The following FAAP100 variants were observed in gnomAD, a reference collection of about 807,000 sequenced individuals.
FAAP100 encodes Fanconi anemia core complex-associated protein 100.
FAAP100 carries 46 observed loss-of-function variants against 65.8 expected under a neutral mutation model. The ratio of observed to expected loss-of-function variants is 0.70; its 90% CI spans 0.55 to 0.89. The LOEUF (loss-of-function observed/expected upper bound fraction) is 0.89. Among genes scored for constraint, FAAP100 ranks in the 40% least tolerant of loss-of-function variants. FAAP100 has a pLI of 0.00. For synonymous variants in FAAP100, 663 were observed against 555.1 expected (o/e 1.19, Z -2.73); for missense variants, 1,165 against 1,196.7 (o/e 0.97, Z 0.39).
Position 81,544,079 on chromosome 17 carries a change from G to A in FAAP100, c.2352C>T (p.Ala784=), listed in dbSNP as rs142183217. ...TDLCPAGPIQ[A]VEIQVESSSL... is the part of the protein sequence containing the mutation. ...AGGAGCTTTCCACTTGAATCTCCAC[G>A]GCCTGGATGGGCCCTGCTGGGCACA... The change falls in exon 7 of 9, where the codon GCC becomes GCT. Residue 784 remains alanine (A), a synonymous_variant. Coordinates refer to ENST00000327787, the MANE Select transcript of FAAP100 (RefSeq NM_025161.6). 280 of 1,612,614 alleles carry A rather than the reference G, an allele frequency of 1.7e-4. No individual in the cohort carries two copies. The highest frequency in any genetic ancestry group is 2.4e-4 in the African/African-American group (18 of 75,048).
chr17:81,540,098 CT>C lies in FAAP100; in HGVS notation c.*720del, dbSNP rs2033025017. The C allele has an allele frequency of 2.5e-6, 1 of 398,546 alleles. No homozygotes were observed. The highest frequency in any genetic ancestry group is 4.4e-6 in the Non-Finnish European group (1 of 225,902). 24.7% of individuals were successfully genotyped at this position (398,546 alleles called of 1,614,324 possible). A position where few individuals can be genotyped will look rare whatever the true frequency, so the allele number is the denominator to read the frequency against. ...CCCCCCCCCGGGCCACAGCGCCACCCTGAGTGGCCCTGAAAATAGTGCACAG... is the reference window on the plus strand; with the variant it reads ...CCCCCCCCCGGGCCACAGCGCCACCCGAGTGGCCCTGAAAATAGTGCACAG... On this transcript the variant is annotated 3_prime_UTR_variant, in exon 9 of 9. Transcript: ENST00000327787.
chr17:81,549,385 C>A lies in FAAP100; in HGVS notation c.1247-23G>T, dbSNP rs751992428. 96 of 1,589,376 alleles carry A rather than the reference C, an allele frequency of 6.0e-5. 1 individual carries two copies. The highest frequency in any genetic ancestry group is 4.9e-4 in the South Asian group (44 of 90,492). On this transcript the variant is annotated intron_variant, in intron 3 of 8. Transcript: ENST00000327787. ...CACCTGGTGACAGACACACATGGGGCCTGGTCAGCGGCTGGGAGGGGCAAG... is the reference window on the plus strand; with the variant it reads ...CACCTGGTGACAGACACACATGGGGACTGGTCAGCGGCTGGGAGGGGCAAG...
chr17:81,541,243 G>A, intron 8 of FAAP100, 66 bp downstream of exon 8: 1 of 1,484,690 alleles, frequency 6.7e-7, no homozygotes, highest in African/African-American at 1.4e-5. Context: ...GACTAGAGGG[G>A]GGCCTGGCGA....
intron 8 of FAAP100, 26 bp from the exon 9 acceptor site, chr17:81,540,976 G>T (rs1003437053): frequency 9.0e-6 from 14 of 1,552,460 alleles, no homozygotes; most frequent in Non-Finnish European, 1.2e-5. Context: ...ACACAGCTCA[G>T]GCCCCCCACC....
At chr17:81,546,034 G>C in intron 5 of FAAP100, 152 bp from the exon 6 acceptor site, 1 of 1,075,296 alleles carries the variant, frequency 9.3e-7, no homozygotes. Context: ...CCTAAGCTGC[G>C]GCGTGGCCAG....
rs756358025 is a variant in FAAP100, at chr17:81,550,686, C to T, written c.808G>A (p.Ala270Thr). 1.2e-6 allele frequency: 2 copies of T among 1,613,040 alleles called. No homozygotes were observed. Among genetic ancestry groups the T allele is most frequent in the African/African-American group, 1.3e-5 (1 of 75,056 alleles). ...AGGTGATGGAGGATCTTGACAAGGGCATTTGGGTCACCAGGGGCTGACCTG... is the reference window on the plus strand; with the variant it reads ...AGGTGATGGAGGATCTTGACAAGGGTATTTGGGTCACCAGGGGCTGACCTG... ...TSRSAPGDPN[A>T]LVKILHHLEE... The change falls in exon 3 of 9, where the codon GCC becomes ACC. Residue 270 changes from alanine (A) to threonine (T), a missense_variant. By Grantham distance (58) the Ala-to-Thr change is moderately conservative. Transcript: ENST00000327787.
upstream of FAAP100, chr17:81,552,446 G>T: frequency 9.7e-7 from 1 of 1,031,934 alleles, no homozygotes; most frequent in East Asian, 3.3e-5. Flanking sequence ...GCGGTCGGCG[G>T]TGCCGGGGGC....
At position 81,552,189 on chromosome 17, in the gene FAAP100, CG is replaced by C; in HGVS notation, c.141del (p.Tyr47Ter). 1 of 1,498,776 alleles carries C rather than the reference CG, an allele frequency of 6.7e-7. No homozygotes were observed. Among genetic ancestry groups the C allele is most frequent in the East Asian group, 2.8e-5 (1 of 35,176 alleles). 92.8% of individuals were successfully genotyped at this position (1,498,776 alleles called of 1,614,324 possible). On this transcript the variant is annotated frameshift_variant, in exon 1 of 9. Transcript: ENST00000327787. LOFTEE classifies it high-confidence loss of function. The stretch of plus-strand genomic sequence containing the variant: ...ACGGTCAGCAGCCCGCCCTCCTGGT[CG>C]TACACGTAGACGAGCTCGCTCCCGG... ...LSTGSELVYV[Y>X]DQEGGLLTAA...
intron 2 of FAAP100, 170 bp downstream of exon 2, chr17:81,551,758 G>A (rs1408912975): frequency 2.1e-5 from 29 of 1,366,644 alleles, no homozygotes; most frequent in Non-Finnish European, 2.7e-5. Context: ...GACACTTGCA[G>A]AAAGAGTGCT....
intron 6 of FAAP100, among the ~76,000 whole-genome samples, chr17:81,544,665 G>A (rs1031526715): frequency 6.6e-6 from 1 of 152,350 alleles, no homozygotes; most frequent in Admixed American, 6.5e-5. Flanking sequence ...AACAGGCCAA[G>A]AGCCAGGAAG....
intron 3 of FAAP100, 83 bp downstream of exon 3, chr17:81,550,165 G>A: frequency 7.6e-7 from 1 of 1,307,922 alleles, no homozygotes; most frequent in Non-Finnish European, 1.1e-6. Context: ...CCCAGGAAAG[G>A]AAGGCGGCCT....
chr17:81,543,352 G>GTA (rs1192999646), intron 7 of FAAP100, among the ~76,000 whole-genome samples: 1 of 152,208 alleles, frequency 6.6e-6, no homozygotes, highest in Non-Finnish European at 1.5e-5. Flanking sequence ...CGGTTTCTAG[G>GTA]GTCGCTGCAG....
chr17:81,544,103 C>A lies in FAAP100; in HGVS notation c.2328G>T (p.Leu776=), dbSNP rs146362478. 8.1e-6 allele frequency: 13 copies of A among 1,612,198 alleles called. No homozygotes were observed. The highest frequency in any genetic ancestry group is 1.1e-5 in the Non-Finnish European group (13 of 1,179,586). ...CGGCCTGGATGGGCCCTGCTGGGCACAGGTCAGTCATGGCCACCTGCAACA... is the reference window on the plus strand; with the variant it reads ...CGGCCTGGATGGGCCCTGCTGGGCAAAGGTCAGTCATGGCCACCTGCAACA... ...LIVREVAMTD[L]CPAGPIQAVE... Residue 776 remains leucine (L), a synonymous_variant, in exon 7 of 9, where the codon CTG becomes CTT. Transcript: ENST00000327787.
chr17:81,543,700 G>C (rs183304950), intron 7 of FAAP100, among the ~76,000 whole-genome samples: 8 of 152,132 alleles, frequency 5.3e-5, no homozygotes. Flanking sequence ...GGCTGACCTC[G>C]CAGGTCACAA....
Position 81,544,136 on chromosome 17 carries a change from C to A in FAAP100, c.2311-16G>T. 1 of 1,586,008 alleles carries A rather than the reference C, an allele frequency of 6.3e-7. No homozygotes were observed. Among genetic ancestry groups the A allele is most frequent in the Non-Finnish European group, 8.7e-7 (1 of 1,155,848 alleles). ...TCATGGCCACCTGCAACACAGGAGC[C>A]ACCTCACTGCCTGCCTGTGGCACTC... On this transcript the variant is annotated splice_polypyrimidine_tract_variant and intron_variant, in intron 6 of 8. Transcript: ENST00000327787.
At chr17:81,540,987 T>C (rs1005375251) in intron 8 of FAAP100, 37 bp from the exon 9 acceptor site, 10 of 1,537,338 alleles carry the variant, frequency 6.5e-6, no homozygotes, top group Non-Finnish European at 8.7e-6. Context: ...GCCCCCCACC[T>C]GGCCCTGGGG....
In FAAP100 at chr17:81,547,255, C is replaced by A; in HGVS notation, c.1827G>T (p.Val609=). 1 of 1,596,318 alleles carries A rather than the reference C, an allele frequency of 6.3e-7. No individual in the cohort carries two copies. ...SCTLFYSLRE[V]VGGALAPSDS... The stretch of plus-strand genomic sequence containing the variant: ...CTGAGGGGGCAAGGGCCCCGCCCAC[C>A]ACCTCCCTGAGACTGTAGAACAGCG... The change falls in exon 5 of 9, where the codon GTG becomes GTT. Residue 609 remains valine (V), a synonymous_variant. Transcript: ENST00000327787.
chr17:81,545,656 C>T (rs2033272305), intron 6 of FAAP100, 90 bp downstream of exon 6: 1 of 1,472,396 alleles, frequency 6.8e-7, no homozygotes, highest in African/African-American at 1.4e-5. Context: ...GGCCCCCACC[C>T]AGGGTGAGGG....
intron 7 of FAAP100, among the ~76,000 whole-genome samples, chr17:81,542,166 C>CAAAAAAAA (rs1157407171): frequency 7.8e-5 from 5 of 63,724 alleles, no homozygotes; most frequent in Non-Finnish European, 1.2e-4. Flanking sequence ...GACTCCGTCT[C>CAAAAAAAA]AAAAAAAAAA....
Sources: allele counts gnomAD v4.1 joint callset (sites outside exome capture counted in the v4.1 genomes callset), GRCh38; gene constraint gnomAD v4.1.1; transcripts MANE v1.5; gene names NCBI Gene and HGNC (gene_info 2026-07-23, HGNC 2026-07-21).